Variants in CEP63 observed in about 807,000 individuals in gnomAD.
The protein encoded by CEP63 is centrosomal protein of 63 kDa.
Under a neutral mutation model 89.1 loss-of-function variants are expected in CEP63, and 84 were observed. That is an observed-to-expected ratio of 0.94 (90% confidence interval 0.79 to 1.13). CEP63 has a LOEUF of 1.13. Ranked by LOEUF, CEP63 falls within the 50% of genes most tolerant of loss-of-function variation. The pLI is 0.00. For synonymous variants in CEP63, 267 were observed against 272.5 expected (o/e 0.98, Z 0.20); for missense variants, 838 against 813.3 (o/e 1.03, Z -0.37).
At chr3:134,776,316 G>A in the CEP63 span, among the ~76,000 whole-genome samples, 1 of 152,058 alleles carries the variant, frequency 6.6e-6, no homozygotes, top group African/African-American at 2.4e-5. Context: ...AGACAAACAA[G>A]TGAAATTCAT....
chr3:134,574,245 G>A (rs974863548), intron 11 of CEP63, among the ~76,000 whole-genome samples: 5 of 152,236 alleles, frequency 3.3e-5, no homozygotes, highest in African/African-American at 1.2e-4. Flanking sequence ...TGAGAAGAGA[G>A]ATGGAGGAGC....
the CEP63 span, among the ~76,000 whole-genome samples, chr3:134,618,813 A>G: frequency 3.9e-5 from 6 of 152,192 alleles, no homozygotes; most frequent in African/African-American, 1.2e-4. Flanking sequence ...TGGCATCTGC[A>G]GTCACTGTCC....
At chr3:134,574,306 G>C (rs2110298123) in intron 11 of CEP63, among the ~76,000 whole-genome samples, 1 of 152,310 alleles carries the variant, frequency 6.6e-6, no homozygotes, top group Non-Finnish European at 1.5e-5. Context: ...GCTCTAGACA[G>C]CAGTCCCAAA....
At chr3:134,605,474 C>G in the CEP63 span, among the ~76,000 whole-genome samples, 2 of 152,172 alleles carry the variant, frequency 1.3e-5, no homozygotes, top group African/African-American at 4.8e-5. Context: ...GGACAAAGGC[C>G]TTAATAGACT....
the CEP63 span, among the ~76,000 whole-genome samples, chr3:134,664,624 G>A: frequency 6.6e-6 from 1 of 151,986 alleles, no homozygotes; most frequent in Non-Finnish European, 1.5e-5. Flanking sequence ...CGTTTTCCTA[G>A]AACAGCCTAC....
chr3:134,640,771 G>A, the CEP63 span, among the ~76,000 whole-genome samples: 1 of 152,098 alleles, frequency 6.6e-6, no homozygotes, highest in Non-Finnish European at 1.5e-5. Context: ...CATTGCTCAG[G>A]TCCCAAGCCT....
chr3:134,699,391 G>A, the CEP63 span, among the ~76,000 whole-genome samples: 1 of 152,198 alleles, frequency 6.6e-6, no homozygotes, highest in African/African-American at 2.4e-5. Context: ...GCCACCATAG[G>A]TGGAAAAGAG....
the CEP63 span, among the ~76,000 whole-genome samples, chr3:134,718,098 A>T: frequency 2.6e-5 from 4 of 152,264 alleles, no homozygotes; most frequent in African/African-American, 9.6e-5. Flanking sequence ...GGTCTGTTAA[A>T]TCCAAGTCTG....
At chr3:134,752,918 C>G in the CEP63 span, among the ~76,000 whole-genome samples, 1 of 152,110 alleles carries the variant, frequency 6.6e-6, no homozygotes, top group Non-Finnish European at 1.5e-5. Flanking sequence ...CTCTGCCTAC[C>G]GCTTCCAGGC....
At chr3:134,686,366 A>T in the CEP63 span, among the ~76,000 whole-genome samples, 1 of 152,204 alleles carries the variant, frequency 6.6e-6, no homozygotes, top group Non-Finnish European at 1.5e-5. Context: ...GTTACTGAGC[A>T]TGCACACCTG....
At chr3:134,594,525 G>T in the CEP63 span, among the ~76,000 whole-genome samples, 2 of 152,084 alleles carry the variant, frequency 1.3e-5, no homozygotes, top group East Asian at 1.9e-4. Context: ...TTGATTGGTT[G>T]CCCATGCACT....
Position 134,537,212 on chromosome 3 carries a change from G to T in CEP63, c.499G>T (p.Val167Leu), listed in dbSNP as rs148139450. 5.0e-6 allele frequency: 8 copies of T among 1,614,022 alleles called. No homozygotes were observed. The highest frequency in any genetic ancestry group is 2.2e-5 in the East Asian group (1 of 44,874). Residue 167 changes from valine (V) to leucine (L), a missense_variant, in exon 6 of 15, where the codon GTA (valine) becomes TTA (leucine). By Grantham distance (32) the Val-to-Leu change is conservative. Coordinates refer to ENST00000675561, the MANE Select transcript of CEP63 (RefSeq NM_001353108.3). ...EKQRLIYQQQVSSLEAQRKAL... is the reference protein window; with the variant it reads ...EKQRLIYQQQLSSLEAQRKAL... ...GCAACGCTTGATTTATCAGCAACAG[G>T]TATCTTCACTGGAGGCACAAAGGAA...
intron 11 of CEP63, among the ~76,000 whole-genome samples, chr3:134,571,394 T>C (rs1958003362): frequency 1.3e-5 from 2 of 152,120 alleles, no homozygotes; most frequent in Non-Finnish European, 2.9e-5. Flanking sequence ...TAAAGTAAGA[T>C]ACAAAGGCCG....
intron 3 of CEP63, among the ~76,000 whole-genome samples, chr3:134,528,565 T>TGCGC (rs202086843): frequency 2.8e-4 from 35 of 126,988 alleles, no homozygotes; most frequent in South Asian, 1.0e-3. Context: ...TGTGTGTGTG[T>TGCGC]GTGCGTGTGT....
At chr3:134,612,641 G>C in the CEP63 span, among the ~76,000 whole-genome samples, 1 of 152,116 alleles carries the variant, frequency 6.6e-6, no homozygotes, top group African/African-American at 2.4e-5. Context: ...GACTGGGTGA[G>C]GAGAAGAAAT....
At chr3:134,611,632 C>T in the CEP63 span, among the ~76,000 whole-genome samples, 4 of 152,228 alleles carry the variant, frequency 2.6e-5, no homozygotes, top group Non-Finnish European at 5.9e-5. Context: ...TTTGATGGGG[C>T]TCCTTTGAGT....
At chr3:134,681,196 T>C in the CEP63 span, among the ~76,000 whole-genome samples, 1 of 151,994 alleles carries the variant, frequency 6.6e-6, no homozygotes, top group Non-Finnish European at 1.5e-5. Context: ...CGGGGGGTGG[T>C]GGAATTAGCC....
At chr3:134,745,232 T>C in the CEP63 span, among the ~76,000 whole-genome samples, 2 of 152,366 alleles carry the variant, frequency 1.3e-5, no homozygotes, top group East Asian at 1.9e-4. Context: ...TGTTACCCAG[T>C]GCTCAATGTC....
chr3:134,610,979 G>A, the CEP63 span, among the ~76,000 whole-genome samples: 95,454 of 152,130 alleles, frequency 0.63, 30,417 homozygotes, highest in East Asian at 0.87. Context: ...CGGGGCAGGC[G>A]GTGGATGTCT....
Sources: gnomAD v4.1 joint callset for allele counts (sites outside exome capture counted in the v4.1 genomes callset) on GRCh38, gnomAD v4.1.1 for gene constraint, MANE v1.5 for transcripts, NCBI Gene and HGNC (gene_info 2026-07-23, HGNC 2026-07-21) for gene names.